The following PDE4D variants were observed in gnomAD, a reference collection of about 807,000 sequenced individuals.
PDE4D encodes 3',5'-cyclic-AMP phosphodiesterase 4D.
PDE4D carries 24 observed loss-of-function variants against 87.4 expected under a neutral mutation model. The observed-to-expected ratio is 0.27, with a 90% CI of 0.20 to 0.39. The LOEUF is 0.39. Among genes scored for constraint, PDE4D ranks in the 10% least tolerant of loss-of-function variants. The pLI is 1.00. For missense variants in PDE4D, 714 were observed against 1,041.0 expected, an observed-to-expected ratio of 0.69 and a Z score of 4.32; for synonymous variants, 384 against 383.2, an observed-to-expected ratio of 1.00 and a Z score of -0.02.
intron 1 of PDE4D, among the ~76,000 whole-genome samples, chr5:59,448,451 A>T (rs772025029): frequency 6.6e-6 from 1 of 152,208 alleles, no homozygotes; most frequent in East Asian, 1.9e-4. Flanking sequence ...TGAATTTTCA[A>T]TACATCTGGG....
intron 5 of PDE4D, among the ~76,000 whole-genome samples, chr5:59,059,206 G>A (rs986828495): frequency 1.4e-4 from 22 of 152,092 alleles, no homozygotes; most frequent in African/African-American, 5.1e-4. Flanking sequence ...ATGTTTTGGT[G>A]CTTCCATAAA....
In PDE4D at chr5:59,244,668, ATGTGTGTGTGTCTGTG is replaced by A. The variant is rs1480031094; in HGVS notation, c.456-28716_456-28701del. Among the ~76,000 whole-genome samples the A allele has an allele frequency of 3.5e-3, 375 of 107,038 alleles. 3 individuals are homozygous for A. The highest frequency in any genetic ancestry group is 8.4e-3 in the African/African-American group (250 of 29,724). 70.2% of individuals were successfully genotyped at this position (107,038 alleles called of 152,430 possible). ...TATATATGTATAGATATATGTATGT[ATGTGTGTGTGTCTGTG>A]TGTGTGTGTGTGTGTGTGTGTGTGT... On this transcript the variant is annotated intron_variant, in intron 1 of 14. Transcript: ENST00000340635.
intron 1 of PDE4D, among the ~76,000 whole-genome samples, chr5:60,254,217 A>G (rs111891068): frequency 3.5e-4 from 53 of 152,048 alleles, no homozygotes; most frequent in African/African-American, 1.2e-3. Flanking sequence ...TGCAGAGTCC[A>G]GGGTTCAATC....
chr5:60,323,936 C>T (rs1756541478), intron 1 of PDE4D, among the ~76,000 whole-genome samples: 1 of 152,086 alleles, frequency 6.6e-6, no homozygotes, highest in African/African-American at 2.4e-5. Flanking sequence ...AATATGGCCC[C>T]AACAAGAACT....
At chr5:59,302,303 A>C (rs1453587928) in intron 1 of PDE4D, among the ~76,000 whole-genome samples, 1 of 152,064 alleles carries the variant, frequency 6.6e-6, no homozygotes, top group Non-Finnish European at 1.5e-5. Flanking sequence ...CAATCTTTTA[A>C]ATTTTCCACT....
chr5:59,781,847 C>T (rs1208656413), intron 1 of PDE4D, among the ~76,000 whole-genome samples: 1 of 147,130 alleles, frequency 6.8e-6, no homozygotes, highest in East Asian at 2.0e-4. Flanking sequence ...ATGCTGATTT[C>T]CATTTCCATT....
At chr5:60,021,471 G>A (rs182087808) in intron 2 of PDE4D, 56 of 152,278 alleles carry the variant, frequency 3.7e-4, no homozygotes, top group African/African-American at 1.3e-3. Context: ...GCTATAACGT[G>A]GCAAACAACA....
chr5:59,472,967 T>C (rs1802685239), intron 1 of PDE4D, among the ~76,000 whole-genome samples: 2 of 151,350 alleles, frequency 1.3e-5, no homozygotes, highest in South Asian at 2.1e-4. Context: ...CATCAGACAC[T>C]ATAAACAGGA....
intron 1 of PDE4D, among the ~76,000 whole-genome samples, chr5:59,693,126 A>G (rs141700091): frequency 6.9e-6 from 1 of 145,816 alleles, no homozygotes; most frequent in Non-Finnish European, 1.6e-5. Flanking sequence ...ACTCTAGAAG[A>G]CCCTGAAATT....
chr5:59,655,933 A>G (rs1744279165), intron 1 of PDE4D, among the ~76,000 whole-genome samples: 1 of 152,162 alleles, frequency 6.6e-6, no homozygotes. Flanking sequence ...CTGTTCTAGG[A>G]GTTAAAGGAA....
chr5:59,272,892 G>C (rs1214770891), intron 1 of PDE4D, among the ~76,000 whole-genome samples: 2 of 152,030 alleles, frequency 1.3e-5, no homozygotes, highest in African/African-American at 4.8e-5. Context: ...GAAACAAATA[G>C]AAAAAGGTAA....
chr5:59,224,122 C>CAAAAAA (rs762239197), intron 1 of PDE4D, among the ~76,000 whole-genome samples: 1 of 21,840 alleles, frequency 4.6e-5, no homozygotes, highest in African/African-American at 1.3e-4. Context: ...CCTGTTTCTA[C>CAAAAAA]AAAAAAAAAA....
rs80156618 is a variant in PDE4D at position 59,380,171 on chromosome 5, T to C, written c.456-164203A>G. Among the ~76,000 whole-genome samples, 758 of 152,274 alleles carry C rather than the reference T, an allele frequency of 5.0e-3. 6 individuals carry two copies. Among genetic ancestry groups the C allele is most frequent in the African/African-American group, 0.018 (734 of 41,548 alleles). On this transcript the variant is annotated intron_variant, in intron 1 of 14. Coordinates refer to ENST00000340635, the MANE Select transcript of PDE4D (RefSeq NM_001104631.2). Reference sequence around the variant, plus strand: ...ACATCTGTCAATATACATTATTATATGCATAAATCATATGCATAAATAACA... The same window carrying C: ...ACATCTGTCAATATACATTATTATACGCATAAATCATATGCATAAATAACA...
chr5:60,494,825 C>A (rs1196452886), intron 1 of PDE4D, among the ~76,000 whole-genome samples: 1 of 152,194 alleles, frequency 6.6e-6, no homozygotes, highest in African/African-American at 2.4e-5. Context: ...AGCATGACAA[C>A]AAAGGCAGAA....
chr5:59,597,620 C>A (rs1207188124), intron 1 of PDE4D, among the ~76,000 whole-genome samples: 3 of 151,712 alleles, frequency 2.0e-5, no homozygotes, highest in African/African-American at 7.3e-5. Flanking sequence ...AGGCAGAATT[C>A]CTTTTTAGGA....
intron 1 of PDE4D, among the ~76,000 whole-genome samples, chr5:59,372,931 A>T (rs1784159207): frequency 6.6e-6 from 1 of 152,116 alleles, no homozygotes; most frequent in Admixed American, 6.5e-5. Context: ...GGACCCCTAA[A>T]ATCTTCCAGA....
At chr5:59,392,658 G>A (rs1645983529) in intron 1 of PDE4D, among the ~76,000 whole-genome samples, 1 of 152,022 alleles carries the variant, frequency 6.6e-6, no homozygotes, top group Non-Finnish European at 1.5e-5. Flanking sequence ...ATTTTCACAT[G>A]ATAACAACTG....
chr5:59,690,589 A>T (rs1580443635), intron 1 of PDE4D, among the ~76,000 whole-genome samples: 1 of 152,204 alleles, frequency 6.6e-6, no homozygotes, highest in East Asian at 1.9e-4. Context: ...TAAAAACTTA[A>T]ATGTTAGACC....
chr5:60,282,767 T>C (rs1485341574), intron 1 of PDE4D, among the ~76,000 whole-genome samples: 1 of 152,148 alleles, frequency 6.6e-6, no homozygotes, highest in Non-Finnish European at 1.5e-5. Flanking sequence ...AGGCTGCAGT[T>C]CAATCCACTA....
Sources: allele counts gnomAD v4.1 joint callset (sites outside exome capture counted in the v4.1 genomes callset), GRCh38; gene constraint gnomAD v4.1.1; transcripts MANE v1.5; gene names NCBI Gene and HGNC (gene_info 2026-07-23, HGNC 2026-07-21).